Variants in TANGO6 observed in about 807,000 individuals in gnomAD.
TANGO6 encodes transport and golgi organization 6 homolog.
TANGO6 carries 90 observed loss-of-function variants against 114.2 expected under a neutral mutation model. That is an observed-to-expected ratio of 0.79 (90% confidence interval 0.66 to 0.94). The LOEUF (loss-of-function observed/expected upper bound fraction) is 0.94, where lower values mean the gene tolerates loss of function less well. Among genes scored for constraint, TANGO6 ranks in the 40% least tolerant of loss-of-function variants. The pLI, the probability that TANGO6 is intolerant of heterozygous loss-of-function variation, is 0.00. For synonymous variants in TANGO6, 477 were observed against 509.8 expected (o/e 0.94, Z 0.87); for missense variants, 1,274 against 1,315.3 (o/e 0.97, Z 0.49).
chr16:68,983,481 G>A (rs1963860409), intron 15 of TANGO6, among the ~76,000 whole-genome samples: 1 of 152,106 alleles, frequency 6.6e-6, no homozygotes, highest in South Asian at 2.1e-4. Context: ...GCTGGAAACA[G>A]GAGCATGAAA....
chr16:68,974,629 C>T (rs1963743448), intron 15 of TANGO6, among the ~76,000 whole-genome samples: 1 of 152,060 alleles, frequency 6.6e-6, no homozygotes, highest in Admixed American at 6.6e-5. Flanking sequence ...CCACTGTGCT[C>T]CAGCCTGGGC....
chr16:68,973,766 C>A, intron 14 of TANGO6: 1 of 472,960 alleles, frequency 2.1e-6, no homozygotes, highest in Non-Finnish European at 3.8e-6. Context: ...GGAGGCATTG[C>A]CTGGATCATA....
chr16:69,034,387 G>T, intron 16 of TANGO6: 1 of 160,176 alleles, frequency 6.2e-6, no homozygotes, highest in South Asian at 1.8e-4. Context: ...CCATCTCCAG[G>T]ACCTATAGCT....
chr16:68,980,429 A>AT (rs1401471877), intron 15 of TANGO6, among the ~76,000 whole-genome samples: 3 of 63,568 alleles, frequency 4.7e-5, no homozygotes, highest in African/African-American at 1.5e-4. Flanking sequence ...ATATATATAT[A>AT]TATATATTTT....
chr16:68,899,791 G>A (rs1181346085), intron 7 of TANGO6, among the ~76,000 whole-genome samples: 3 of 151,924 alleles, frequency 2.0e-5, no homozygotes, highest in African/African-American at 7.3e-5. Flanking sequence ...TGTAGAGATG[G>A]GGTCTTACTA....
intron 12 of TANGO6, chr16:68,926,856 T>C (rs753173774): frequency 6.4e-4 from 98 of 152,334 alleles, no homozygotes; most frequent in African/African-American, 2.3e-3. Context: ...TTACTTTTCA[T>C]TGATCACACA....
chr16:69,051,866 A>T (rs184073265), intron 17 of TANGO6, among the ~76,000 whole-genome samples: 190 of 149,518 alleles, frequency 1.3e-3, no homozygotes, highest in African/African-American at 3.6e-3. Flanking sequence ...ATATATATAT[A>T]TATTTTTTCC....
intron 15 of TANGO6, among the ~76,000 whole-genome samples, chr16:69,020,957 G>A (rs565616047): frequency 1.7e-4 from 25 of 143,706 alleles, no homozygotes; most frequent in African/African-American, 6.4e-4. Context: ...GTGTGTGTAT[G>A]CGGAATCTTC....
chr16:68,994,574 G>A (rs1296985286), intron 15 of TANGO6, among the ~76,000 whole-genome samples: 4 of 151,538 alleles, frequency 2.6e-5, no homozygotes, highest in African/African-American at 9.7e-5. Flanking sequence ...GCCATTCCTG[G>A]GATTTTTTTT....
chr16:69,076,382 G>A (rs1432937967), intron 17 of TANGO6, among the ~76,000 whole-genome samples: 8 of 152,008 alleles, frequency 5.3e-5, no homozygotes, highest in Non-Finnish European at 7.4e-5. Flanking sequence ...GTGAGCCACC[G>A]TGCCCAGCCT....
At chr16:68,892,300 A>AGCCAGC (rs1962633779) in intron 7 of TANGO6, among the ~76,000 whole-genome samples, 1 of 152,194 alleles carries the variant, frequency 6.6e-6, no homozygotes, top group Admixed American at 6.5e-5. Flanking sequence ...CAGACGCCTC[A>AGCCAGC]TATCATAGCT....
chr16:68,997,976 G>A (rs1430863450), intron 15 of TANGO6, among the ~76,000 whole-genome samples: 1 of 152,066 alleles, frequency 6.6e-6, no homozygotes, highest in East Asian at 1.9e-4. Flanking sequence ...GTATGGTGAG[G>A]GCCATTCATA....
intron 15 of TANGO6, among the ~76,000 whole-genome samples, chr16:68,984,898 A>G (rs558960768): frequency 6.6e-6 from 1 of 152,000 alleles, no homozygotes; most frequent in Non-Finnish European, 1.5e-5. Context: ...CTTTGTTTAC[A>G]TTTTGATGTA....
At chr16:68,880,266 C>T (rs1244680669) in intron 6 of TANGO6, among the ~76,000 whole-genome samples, 1 of 152,220 alleles carries the variant, frequency 6.6e-6, no homozygotes, top group African/African-American at 2.4e-5. Context: ...GCCACCACAC[C>T]TGGCCTAAAA....
At chr16:68,867,010 A>T in intron 3 of TANGO6, 69 bp from the exon 4 acceptor site, 19 of 524,484 alleles carry the variant, frequency 3.6e-5, no homozygotes, top group Non-Finnish European at 5.1e-5. Flanking sequence ...TACAGGCATG[A>T]GCCACTACGC....
In TANGO6 at chr16:68,912,967, C is replaced by G. The variant is rs1484474202; in HGVS notation, c.1992+3565C>G. Among the ~76,000 whole-genome samples the G allele has an allele frequency of 1.9e-4, 28 of 149,698 alleles. 1 individual carries two copies. Among genetic ancestry groups the G allele is most frequent in the Non-Finnish European group, 3.0e-5 (2 of 67,616 alleles). On this transcript the variant is annotated intron_variant, in intron 11 of 17. Coordinates refer to ENST00000261778, the MANE Select transcript of TANGO6 (RefSeq NM_024562.2). ...TGGTGGCAAGCGCCTGTAATCCCAG[C>G]TATTCGGAAGGCTGAGGCATGAAAA...
chr16:68,984,926 T>C (rs1394597238), intron 15 of TANGO6, among the ~76,000 whole-genome samples: 1 of 152,220 alleles, frequency 6.6e-6, no homozygotes, highest in Admixed American at 6.5e-5. Context: ...CAAGCTTTTT[T>C]TTTCTTTCTC....
chr16:69,008,096 C>CT (rs1184744697), intron 15 of TANGO6, among the ~76,000 whole-genome samples: 3 of 151,582 alleles, frequency 2.0e-5, no homozygotes, highest in East Asian at 1.9e-4. Flanking sequence ...TGTCTTTTCA[C>CT]TTTTTTTAAA....
rs67855533 is a variant in TANGO6, at chr16:68,969,689, C to CA, written c.2702-4325dup. Reference sequence around the variant, plus strand: ...TTAAAGTTTAGCATTATAGGAAAAGCAAAAAAAAAAAAAATCTGAAAAATC... The same window carrying CA: ...TTAAAGTTTAGCATTATAGGAAAAGCAAAAAAAAAAAAAAATCTGAAAAATC... On this transcript the variant is annotated intron_variant, in intron 14 of 17. Transcript: ENST00000261778. 9.4e-3 allele frequency among the ~76,000 whole-genome samples: 1,081 copies of CA among 115,272 alleles called. 6 individuals carry two copies. The highest frequency in any genetic ancestry group is 0.016 in the African/African-American group (519 of 32,116). The allele number at this position is 115,272 out of a possible 152,430, so 75.6% of individuals were successfully genotyped here.
Sources: gnomAD v4.1 joint callset for allele counts (sites outside exome capture counted in the v4.1 genomes callset) on GRCh38, gnomAD v4.1.1 for gene constraint, MANE v1.5 for transcripts, NCBI Gene and HGNC (gene_info 2026-07-23, HGNC 2026-07-21) for gene names.